PCBP3: variants seen among roughly 807,000 people sequenced by gnomAD.
PCBP3 encodes the protein poly(rC) binding protein 3, also known as poly(rC)-binding protein 3.
PCBP3 carries 25 observed loss-of-function variants against 52.7 expected under a neutral mutation model. That is an observed-to-expected ratio of 0.47 (90% confidence interval 0.35 to 0.66). The LOEUF is 0.66. Ranked by LOEUF, PCBP3 falls within the 30% of genes least tolerant of loss-of-function variation. PCBP3 has a pLI of 0.01. For synonymous variants in PCBP3, 162 were observed against 183.0 expected, an observed-to-expected ratio of 0.89 and a Z score of 0.93; for missense variants, 391 against 490.3, an observed-to-expected ratio of 0.80 and a Z score of 1.91.
At chr21:45,868,446 C>T (rs2094850044) in intron 5 of PCBP3, among the ~76,000 whole-genome samples, 1 of 141,610 alleles carries the variant, frequency 7.1e-6, no homozygotes, top group South Asian at 2.2e-4. Flanking sequence ...TAAAGGATTC[C>T]GATGCTGTTA....
intron 5 of PCBP3, among the ~76,000 whole-genome samples, chr21:45,885,352 A>G (rs1287076554): frequency 3.3e-5 from 5 of 152,064 alleles, no homozygotes; most frequent in African/African-American, 1.2e-4. Context: ...CTTGACTACA[A>G]TGTGTGTTTG....
At chr21:45,722,993 G>A (rs571510410) in intron 2 of PCBP3, among the ~76,000 whole-genome samples, 2 of 151,148 alleles carry the variant, frequency 1.3e-5, no homozygotes, top group African/African-American at 4.9e-5. Context: ...CAGCCTGGAT[G>A]ACCCAGCAAG....
intron 17 of PCBP3, among the ~76,000 whole-genome samples, chr21:45,940,913 G>GTGGGA (rs1603580783): frequency 6.6e-6 from 1 of 152,176 alleles, no homozygotes; most frequent in East Asian, 1.9e-4. Flanking sequence ...AGCTGGGCTT[G>GTGGGA]TGGGATGGGA....
chr21:45,646,362 G>A (rs1239050130), intron 1 of PCBP3, among the ~76,000 whole-genome samples: 2 of 151,908 alleles, frequency 1.3e-5, no homozygotes, highest in African/African-American at 4.8e-5. Flanking sequence ...TGGGAGTTTT[G>A]TTGCTTGAGT....
chr21:45,885,922 G>A (rs1389944137), intron 5 of PCBP3, among the ~76,000 whole-genome samples: 1 of 152,202 alleles, frequency 6.6e-6, no homozygotes, highest in East Asian at 1.9e-4. Context: ...TTGTATAACA[G>A]GTGATTTTCT....
At chr21:45,836,395 GCCTGTAGCCAGGCCT>G (rs2093589387) in intron 4 of PCBP3, 1 of 152,192 alleles carries the variant, frequency 6.6e-6, no homozygotes, top group Non-Finnish European at 1.5e-5. Context: ...GGTGCTTGCT[GCCTGTAGCCAGGCCT>G]GCTGGTCATG....
intron 4 of PCBP3, among the ~76,000 whole-genome samples, chr21:45,790,545 G>T (rs73232768): frequency 0.11 from 16,299 of 152,158 alleles, 954 homozygotes; most frequent in Non-Finnish European, 0.14. Context: ...GGGTCATCCG[G>T]GGGCGTCTGT....
In PCBP3 at chr21:45,941,951, C is replaced by A. The variant is rs1296372539; in HGVS notation, c.*245C>A. 2 of 428,874 alleles carry A rather than the reference C, an allele frequency of 4.7e-6. No homozygotes were observed. Among genetic ancestry groups the A allele is most frequent in the African/African-American group, 4.1e-5 (2 of 48,884 alleles). 26.6% of individuals were successfully genotyped at this position (428,874 alleles called of 1,614,324 possible). ...TTTATGACTTACGCTCCCGTCTGCC[C>A]ATGCACCGGCATGCAGTGGTAATTA... On this transcript the variant is annotated 3_prime_UTR_variant, in exon 18 of 18. Coordinates refer to ENST00000681687, the MANE Select transcript of PCBP3 (RefSeq NM_001384156.1).
intron 4 of PCBP3, among the ~76,000 whole-genome samples, chr21:45,771,795 A>T (rs1028385925): frequency 2.0e-5 from 3 of 152,186 alleles, no homozygotes; most frequent in African/African-American, 7.2e-5. Context: ...GAATTGAAAA[A>T]GAAGAAGTAA....
At chr21:45,841,191 C>T (rs1355709028) in intron 4 of PCBP3, among the ~76,000 whole-genome samples, 2 of 152,206 alleles carry the variant, frequency 1.3e-5, no homozygotes, top group African/African-American at 2.4e-5. Flanking sequence ...TCGTCATTAA[C>T]GCAGGACTGT....
rs1306034732 is a variant in PCBP3 at position 45,837,925 on chromosome 21, C to T, written c.-125-12036C>T. On this transcript the variant is annotated intron_variant, in intron 4 of 17. Coordinates refer to ENST00000681687, the MANE Select transcript of PCBP3 (RefSeq NM_001384156.1). This position sits in a 1 kb window ranked among gnomAD's most constrained non-coding sequence, Gnocchi z 4.1. ...GCAGTACACATTAGGGGCTGCAGAA[C>T]GGTGATTTTCTAATTGTGTTGTTCT... 5.9e-5 allele frequency among the ~76,000 whole-genome samples: 9 copies of T among 152,276 alleles called. No individual in the cohort carries two copies. Among genetic ancestry groups the T allele is most frequent in the East Asian group, 3.9e-4 (2 of 5,174 alleles).
chr21:45,808,637 C>G (rs2092588114), intron 4 of PCBP3, among the ~76,000 whole-genome samples: 1 of 152,138 alleles, frequency 6.6e-6, no homozygotes, highest in Non-Finnish European at 1.5e-5. Context: ...ATGGCGATTC[C>G]TCAAGGATCT....
At chr21:45,852,052 T>C (rs1368930875) in intron 5 of PCBP3, among the ~76,000 whole-genome samples, 2 of 152,232 alleles carry the variant, frequency 1.3e-5, no homozygotes, top group African/African-American at 2.4e-5. Context: ...ATAGGGTGAC[T>C]ATAGCTAATA....
chr21:45,688,003 T>C (rs2082250304), intron 2 of PCBP3, among the ~76,000 whole-genome samples: 1 of 152,158 alleles, frequency 6.6e-6, no homozygotes, highest in African/African-American at 2.4e-5. Context: ...AGTTCTGGGA[T>C]TACAGGCATG....
chr21:45,734,777 T>A (rs1293833111), intron 2 of PCBP3, among the ~76,000 whole-genome samples: 1 of 152,230 alleles, frequency 6.6e-6, no homozygotes. Flanking sequence ...TTTGTCTGAC[T>A]TTTAAGTGAG....
intron 1 of PCBP3, among the ~76,000 whole-genome samples, chr21:45,657,555 G>T (rs940050819): frequency 6.6e-6 from 1 of 152,058 alleles, no homozygotes; most frequent in African/African-American, 2.4e-5. Flanking sequence ...TTGTAGCTTT[G>T]TAGTAAGTTT....
intron 4 of PCBP3, among the ~76,000 whole-genome samples, chr21:45,782,729 A>G (rs974091145): frequency 6.6e-6 from 1 of 152,286 alleles, no homozygotes; most frequent in African/African-American, 2.4e-5. Context: ...CAAACAAGCA[A>G]GCAAACTTTT....
At chr21:45,918,760 CGGT>C (rs1569496642) in intron 13 of PCBP3, 7 of 141,446 alleles carry the variant, frequency 4.9e-5, no homozygotes, top group African/African-American at 1.5e-4. Context: ...CTCAGATAAA[CGGT>C]CGGTGTAATT....
chr21:45,778,629 G>A (rs192614634), intron 4 of PCBP3, among the ~76,000 whole-genome samples: 1 of 152,190 alleles, frequency 6.6e-6, no homozygotes, highest in African/African-American at 2.4e-5. Context: ...GGTGATAGCA[G>A]CTGGGAGATG....
Sources: allele counts gnomAD v4.1 joint callset (sites outside exome capture counted in the v4.1 genomes callset), GRCh38; gene constraint gnomAD v4.1.1; non-coding constraint Gnocchi (gnomAD v3.1); transcripts MANE v1.5; gene names NCBI Gene and HGNC (gene_info 2026-07-23, HGNC 2026-07-21).